Variants in STK32B observed in about 807,000 individuals in gnomAD.
The protein encoded by STK32B is serine/threonine kinase 32B, also known as serine/threonine-protein kinase 32B.
Under a neutral mutation model 52.6 loss-of-function variants are expected in STK32B, and 43 were observed. The ratio of observed to expected loss-of-function variants is 0.82; its 90% confidence interval spans 0.64 to 1.05. The LOEUF (loss-of-function observed/expected upper bound fraction) is 1.05. Ranked by LOEUF, STK32B falls within the 50% of genes least tolerant of loss-of-function variation. STK32B has a pLI of 0.00. For synonymous variants in STK32B, 238 were observed against 204.3 expected (o/e 1.17, Z -1.41); for missense variants, 621 against 534.6 (o/e 1.16, Z -1.59).
At chr4:5,088,972 G>A (rs1712894381) in intron 1 of STK32B, among the ~76,000 whole-genome samples, 1 of 151,508 alleles carries the variant, frequency 6.6e-6, no homozygotes, top group Non-Finnish European at 1.5e-5. Flanking sequence ...AACTAGAGAA[G>A]GTTAAAACAT....
chr4:5,185,109 C>T (rs377109924), intron 3 of STK32B, among the ~76,000 whole-genome samples: 4 of 152,166 alleles, frequency 2.6e-5, no homozygotes, highest in Admixed American at 6.5e-5. Context: ...GACTGTTATC[C>T]TGATTGAATG....
the STK32B span, among the ~76,000 whole-genome samples, chr4:5,033,293 T>G: frequency 6.6e-6 from 1 of 152,108 alleles, no homozygotes; most frequent in African/African-American, 2.4e-5. Flanking sequence ...AAACAAGCAT[T>G]TCCCCAGCTG....
intron 1 of STK32B, among the ~76,000 whole-genome samples, chr4:5,092,246 CA>C (rs1271048226): frequency 1.3e-5 from 2 of 152,158 alleles, no homozygotes; most frequent in Admixed American, 6.5e-5. Flanking sequence ...AAAGAAATAC[CA>C]GAGGCTGGGT....
At chr4:5,053,501 A>G (rs1193498788) in intron 1 of STK32B, among the ~76,000 whole-genome samples, 3 of 152,052 alleles carry the variant, frequency 2.0e-5, no homozygotes, top group African/African-American at 7.2e-5. Context: ...TTTCTCTTTT[A>G]TTTACAGAGG....
chr4:5,331,546 T>A (rs1267653630), intron 4 of STK32B, among the ~76,000 whole-genome samples, 153 bp downstream of exon 4: 2 of 152,144 alleles, frequency 1.3e-5, no homozygotes, highest in African/African-American at 4.8e-5. Context: ...TTCTTCCTAT[T>A]TTTTTATGTT....
intron 3 of STK32B, among the ~76,000 whole-genome samples, chr4:5,262,755 A>G (rs546694618): frequency 1.3e-5 from 2 of 152,314 alleles, no homozygotes; most frequent in African/African-American, 2.4e-5. Flanking sequence ...TATTAAATAC[A>G]TAGAGAGGAC....
At chr4:5,186,188 C>G (rs935473785) in intron 3 of STK32B, among the ~76,000 whole-genome samples, 4 of 152,164 alleles carry the variant, frequency 2.6e-5, no homozygotes, top group African/African-American at 7.2e-5. Context: ...GCCTCACCTC[C>G]TCCATCAGCC....
At chr4:5,215,882 C>T (rs1004516553) in intron 3 of STK32B, among the ~76,000 whole-genome samples, 2 of 152,156 alleles carry the variant, frequency 1.3e-5, no homozygotes, top group Non-Finnish European at 2.9e-5. Flanking sequence ...GAAGATGGAC[C>T]TCCACAATTA....
chr4:5,417,557 G>A (rs573314271), intron 6 of STK32B, among the ~76,000 whole-genome samples: 3 of 151,710 alleles, frequency 2.0e-5, no homozygotes, highest in South Asian at 2.1e-4. Flanking sequence ...TATTTGTTTT[G>A]TGTGTTTTCT....
intron 1 of STK32B, among the ~76,000 whole-genome samples, chr4:5,065,501 G>T (rs529510625): frequency 2.6e-5 from 4 of 152,118 alleles, no homozygotes; most frequent in African/African-American, 9.7e-5. Flanking sequence ...ACACCATCCC[G>T]CTGAATGCCA....
chr4:5,274,351 T>A (rs1727664964), intron 3 of STK32B, among the ~76,000 whole-genome samples: 1 of 152,140 alleles, frequency 6.6e-6, no homozygotes, highest in African/African-American at 2.4e-5. Context: ...TTTTTGACAA[T>A]GTCTCTGCCC....
At chr4:5,297,324 G>T (rs1729267947) in intron 3 of STK32B, among the ~76,000 whole-genome samples, 1 of 152,092 alleles carries the variant, frequency 6.6e-6, no homozygotes, top group Non-Finnish European at 1.5e-5. Flanking sequence ...ATGTTGGCCT[G>T]TTTTCCTAAG....
At chr4:5,345,601 T>C (rs1733399417) in intron 4 of STK32B, 1 of 152,260 alleles carries the variant, frequency 6.6e-6, no homozygotes, top group Admixed American at 6.5e-5. Flanking sequence ...CACCTAGTCC[T>C]ATCAGTAGTC....
intron 1 of STK32B, among the ~76,000 whole-genome samples, chr4:5,100,801 C>CTGCTCTTTCTTTCCTTCCTTCCA (rs374041243): frequency 1.7e-5 from 2 of 120,618 alleles, no homozygotes; most frequent in Non-Finnish European, 3.6e-5. Context: ...TATTCCTTCC[C>CTGCTCTTTCTTTCCTTCCTTCCA]CTTCCTTCCT....
chr4:5,489,599 A>G (rs937503601), intron 11 of STK32B, among the ~76,000 whole-genome samples: 1 of 151,870 alleles, frequency 6.6e-6, no homozygotes, highest in Non-Finnish European at 1.5e-5. Flanking sequence ...TTCATTAACA[A>G]CAATTTTATT....
At chr4:5,298,497 T>A (rs775312290) in intron 3 of STK32B, among the ~76,000 whole-genome samples, 2 of 152,110 alleles carry the variant, frequency 1.3e-5, no homozygotes, top group Non-Finnish European at 2.9e-5. Flanking sequence ...TGAGGAGGAA[T>A]CTAGAGAGTC....
intron 3 of STK32B, among the ~76,000 whole-genome samples, chr4:5,264,814 A>C (rs1192423599): frequency 6.6e-6 from 1 of 152,136 alleles, no homozygotes; most frequent in Admixed American, 6.5e-5. Context: ...GTTGTGTTAT[A>C]CAAGTCCTTT....
At chr4:5,215,987 G>A (rs977368820) in intron 3 of STK32B, among the ~76,000 whole-genome samples, 1 of 152,088 alleles carries the variant, frequency 6.6e-6, no homozygotes, top group African/African-American at 2.4e-5. Context: ...ATCCAAAGTT[G>A]GCCTGCAAAG....
chr4:5,457,286 A>G (rs370189121), intron 8 of STK32B, among the ~76,000 whole-genome samples: 13 of 137,388 alleles, frequency 9.5e-5, no homozygotes, highest in Middle Eastern at 4.0e-3. Context: ...CGCAGTCTCG[A>G]CTCACTGCAA....
Sources: allele counts gnomAD v4.1 joint callset (sites outside exome capture counted in the v4.1 genomes callset), GRCh38; gene constraint gnomAD v4.1.1; transcripts MANE v1.5; gene names NCBI Gene and HGNC (gene_info 2026-07-23, HGNC 2026-07-21).